Variants in ZC3H7A observed in about 807,000 individuals in gnomAD.
The protein encoded by ZC3H7A is zinc finger CCCH domain-containing protein 7A.
ZC3H7A carries 44 observed loss-of-function variants against 125.5 expected under a neutral mutation model. The observed-to-expected ratio is 0.35, with a 90% CI of 0.28 to 0.45. The LOEUF is 0.45. Ranked by LOEUF, ZC3H7A falls within the 20% of genes least tolerant of loss-of-function variation. The pLI, the probability that ZC3H7A is intolerant of heterozygous loss-of-function variation, is 1.00. For missense variants in ZC3H7A, 977 were observed against 1,170.7 expected (o/e 0.83, Z 2.41); for synonymous variants, 399 against 391.2 (o/e 1.02, Z -0.23).
chr16:11,772,747 A>T (rs1258704326), intron 9 of ZC3H7A, among the ~76,000 whole-genome samples: 1 of 149,430 alleles, frequency 6.7e-6, no homozygotes, highest in Non-Finnish European at 1.5e-5. Flanking sequence ...CCCAGGGTGG[A>T]GTGCAGTGGC....
At chr16:11,792,092 G>C (rs1240797476) in intron 1 of ZC3H7A, among the ~76,000 whole-genome samples, 1 of 152,086 alleles carries the variant, frequency 6.6e-6, no homozygotes, top group Non-Finnish European at 1.5e-5. Context: ...ATTTTTTGTA[G>C]AGACAGAGTC....
At chr16:11,781,251 G>T (rs925985428) in intron 3 of ZC3H7A, among the ~76,000 whole-genome samples, 174 bp downstream of exon 3, 4 of 152,062 alleles carry the variant, frequency 2.6e-5, no homozygotes, top group African/African-American at 9.7e-5. Flanking sequence ...ACAAATGAGT[G>T]TGGCTGTGTT....
rs781418394 is a variant in ZC3H7A at position 11,765,172 on chromosome 16, G to A, written c.1720-19C>T. On this transcript the variant is annotated intron_variant, in intron 14 of 22. Transcript: ENST00000355758. The surrounding 1 kb of genome is among the most constrained non-coding windows in gnomAD (Gnocchi z 4.8). ...AACATTTCTGGAATAGAGAGAGAAA[G>A]ATTATCAAAAAAAATACAAAATATA... is the stretch of plus-strand genomic sequence containing the variant. The A allele has an allele frequency of 6.3e-6, 9 of 1,418,904 alleles. No homozygotes were observed. Among genetic ancestry groups the A allele is most frequent in the Non-Finnish European group, 6.7e-6 (7 of 1,048,634 alleles). 87.9% of individuals were successfully genotyped at this position (1,418,904 alleles called of 1,614,324 possible). A position where few individuals can be genotyped will look rare whatever the true frequency, so the allele number is the denominator to read the frequency against.
intron 2 of ZC3H7A, 23 bp from the exon 3 acceptor site, chr16:11,781,487 C>A: frequency 6.2e-7 from 1 of 1,601,350 alleles, no homozygotes; most frequent in Non-Finnish European, 8.5e-7. Context: ...AACAAATTAA[C>A]TGTAATTATC....
intron 1 of ZC3H7A, among the ~76,000 whole-genome samples, chr16:11,794,900 G>T (rs1250817401): frequency 6.6e-6 from 1 of 152,224 alleles, no homozygotes; most frequent in Non-Finnish European, 1.5e-5. Flanking sequence ...GAAGGAAAGA[G>T]GGTGTAGGTC....
chr16:11,780,723 GA>G (rs1206780424), intron 3 of ZC3H7A, among the ~76,000 whole-genome samples: 1 of 152,100 alleles, frequency 6.6e-6, no homozygotes, highest in African/African-American at 2.4e-5. Context: ...GGGGAGGAGG[GA>G]GAGAGGCAGC....
At chr16:11,782,248 T>G (rs2053184233) in intron 2 of ZC3H7A, 39 bp downstream of exon 2, 2 of 1,611,492 alleles carry the variant, frequency 1.2e-6, no homozygotes, top group South Asian at 2.2e-5. Flanking sequence ...ACCAAAGAAT[T>G]AGGACGCGGC....
At position 11,795,311 on chromosome 16, in the gene ZC3H7A, G is replaced by A. The variant is rs546474253; in HGVS notation, c.-35+1813C>T. Among the ~76,000 whole-genome samples the A allele has an allele frequency of 5.9e-5, 9 of 152,360 alleles. No homozygotes were observed. The South Asian group carries it at 1.7e-3, about 28-fold the overall frequency. The stretch of plus-strand genomic sequence containing the variant: ...GCCATCAGAGAAGCAGGAAAGATAA[G>A]CAGATAGACATGTCTTCTCAGGGCC... On this transcript the variant is annotated intron_variant, in intron 1 of 22. Transcript: ENST00000355758.
intron 9 of ZC3H7A, among the ~76,000 whole-genome samples, chr16:11,771,570 G>A (rs1016811758): frequency 6.0e-5 from 9 of 151,128 alleles, no homozygotes; most frequent in East Asian, 2.0e-4. Context: ...GCACAATCTC[G>A]GCTCACTGCA....
At chr16:11,754,928 G>A (rs1252899931) in intron 21 of ZC3H7A, among the ~76,000 whole-genome samples, 2 of 141,528 alleles carry the variant, frequency 1.4e-5, no homozygotes, top group Non-Finnish European at 3.1e-5. Context: ...TACATGTGTT[G>A]GCCGGGCACA....
chr16:11,762,852 C>T lies in ZC3H7A; in HGVS notation c.2003-105G>A, dbSNP rs1452177761. On this transcript the variant is annotated intron_variant, in intron 16 of 22. Transcript: ENST00000355758. ...GAACCTTCAGCTTCCAATCTATTCTCATACCTCCTAATCCATCAGCAAGGA... is the reference window on the plus strand; with the variant it reads ...GAACCTTCAGCTTCCAATCTATTCTTATACCTCCTAATCCATCAGCAAGGA... 8 of 1,004,914 alleles carry T rather than the reference C, an allele frequency of 8.0e-6. No individual in the cohort carries two copies. In the Admixed American group the frequency reaches 1.4e-4, roughly 18 times the overall value. 62.2% of individuals were successfully genotyped at this position (1,004,914 alleles called of 1,614,324 possible). A position where few individuals can be genotyped will look rare whatever the true frequency, so the allele number is the denominator to read the frequency against.
intron 10 of ZC3H7A, 76 bp from the exon 11 acceptor site, chr16:11,769,171 C>T: frequency 1.6e-6 from 2 of 1,268,220 alleles, no homozygotes; most frequent in Non-Finnish European, 2.2e-6. Context: ...TAGTAGCTTA[C>T]TGGCTATGGC....
chr16:11,772,467 T>A (rs926621226), intron 9 of ZC3H7A, among the ~76,000 whole-genome samples: 4 of 151,744 alleles, frequency 2.6e-5, no homozygotes, highest in Admixed American at 6.6e-5. Flanking sequence ...CTCAGATACA[T>A]CCTACTGTGA....
chr16:11,772,604 C>G (rs1165901081), intron 9 of ZC3H7A, among the ~76,000 whole-genome samples: 1 of 151,672 alleles, frequency 6.6e-6, no homozygotes, highest in Non-Finnish European at 1.5e-5. Flanking sequence ...ATTACACCAC[C>G]CCTGGAAAAC....
At chr16:11,787,844 G>C (rs1434205707) in intron 1 of ZC3H7A, among the ~76,000 whole-genome samples, 1 of 152,002 alleles carries the variant, frequency 6.6e-6, no homozygotes, top group African/African-American at 2.4e-5. Context: ...TACTCGGAAG[G>C]CTGAGGCAGG....
intron 15 of ZC3H7A, among the ~76,000 whole-genome samples, chr16:11,764,634 T>A (rs4238613): frequency 0.43 from 65,599 of 151,816 alleles, 14,685 homozygotes; most frequent in East Asian, 0.7. Context: ...AGGCAGGAGA[T>A]TCACTTGAAT....
intron 1 of ZC3H7A, chr16:11,782,600 T>C: frequency 3.3e-6 from 1 of 299,502 alleles, no homozygotes; most frequent in South Asian, 6.7e-5. Flanking sequence ...GTTTTCATAT[T>C]CTTTTTTTTT....
At chr16:11,780,418 G>T (rs1047886016) in intron 3 of ZC3H7A, among the ~76,000 whole-genome samples, 1 of 152,058 alleles carries the variant, frequency 6.6e-6, no homozygotes, top group South Asian at 2.1e-4. Context: ...ACCACGCCTG[G>T]CCATAATTTA....
intron 1 of ZC3H7A, among the ~76,000 whole-genome samples, chr16:11,786,416 G>A (rs1174648910): frequency 6.6e-6 from 1 of 152,096 alleles, no homozygotes. Flanking sequence ...ATTGGTTTGA[G>A]GTTGACTCAA....
Sources: allele counts gnomAD v4.1 joint callset (sites outside exome capture counted in the v4.1 genomes callset), GRCh38; gene constraint gnomAD v4.1.1; non-coding constraint Gnocchi (gnomAD v3.1); transcripts MANE v1.5; gene names NCBI Gene and HGNC (gene_info 2026-07-23, HGNC 2026-07-21).